Variants in CACNA1C observed in about 807,000 individuals in gnomAD.
The protein encoded by CACNA1C is voltage-dependent L-type calcium channel subunit alpha-1C.
CACNA1C carries 30 observed loss-of-function variants against 229.0 expected under a neutral mutation model. The ratio of observed to expected loss-of-function variants is 0.13; its 90% CI spans 0.10 to 0.18. The LOEUF is 0.18. Among genes scored for constraint, CACNA1C ranks in the 10% least tolerant of loss-of-function variants. The pLI is 1.00. For synonymous variants in CACNA1C, 1,114 were observed against 1,132.5 expected, an observed-to-expected ratio of 0.98 and a Z score of 0.33; for missense variants, 1,658 against 2,845.0, an observed-to-expected ratio of 0.58 and a Z score of 9.49.
intron 1 of CACNA1C, among the ~76,000 whole-genome samples, chr12:2,013,124 G>T (rs145596315): frequency 6.6e-6 from 1 of 152,126 alleles, no homozygotes; most frequent in Non-Finnish European, 1.5e-5. Flanking sequence ...AAAGAAACCC[G>T]TCTCAATCTC....
chr12:2,630,272 C>T lies in CACNA1C; in HGVS notation c.3829-4025C>T, dbSNP rs947636666. ...ACGTGTATGATTTTTTTCCCACCCT[C>T]CCTTCTCCATTACACCCTTAAAACC... On this transcript the variant is annotated intron_variant, in intron 29 of 46. Transcript: ENST00000399655. The surrounding 1 kb of genome is among the most constrained non-coding windows in gnomAD (Gnocchi z 5.4). Among the ~76,000 whole-genome samples the T allele has an allele frequency of 1.3e-5, 2 of 152,196 alleles. No individual in the cohort carries two copies. Among genetic ancestry groups the T allele is most frequent in the Non-Finnish European group, 2.9e-5 (2 of 68,038 alleles).
chr12:2,593,057 G>C (rs936059733), intron 18 of CACNA1C, among the ~76,000 whole-genome samples, 156 bp from the exon 19 acceptor site: 1 of 152,180 alleles, frequency 6.6e-6, no homozygotes, highest in African/African-American at 2.4e-5. Flanking sequence ...GAGATGAGCT[G>C]CAGCAGCACC....
rs759335182 is a variant in CACNA1C at position 2,449,057 on chromosome 12, C to T, written c.559C>T (p.Pro187Ser). The change falls in exon 4 of 47, where the codon CCC becomes TCC. Residue 187 changes from proline (P) to serine (S), a missense_variant. This residue lies in a region of CACNA1C where 89 missense variants were observed against 177.8 expected (regional missense o/e 0.50). Transcript: ENST00000399655. The part of the protein sequence containing the change: ...KVIAYGLLFH[P>S]NAYLRNGWNL... ...AATCGCCTATGGACTCCTCTTTCACCCCAATGCCTACCTCCGCAACGGCTG... is the reference window on the plus strand; with the variant it reads ...AATCGCCTATGGACTCCTCTTTCACTCCAATGCCTACCTCCGCAACGGCTG... The T allele has an allele frequency of 6.3e-7, 1 of 1,595,936 alleles. No individual in the cohort carries two copies. Among genetic ancestry groups the T allele is most frequent in the African/African-American group, 1.3e-5 (1 of 74,870 alleles).
At chr12:2,104,186 T>G (rs1023096485) in intron 1 of CACNA1C, among the ~76,000 whole-genome samples, 5 of 152,226 alleles carry the variant, frequency 3.3e-5, no homozygotes, top group African/African-American at 9.6e-5. Flanking sequence ...CATTTTGATA[T>G]TGATTCTTCC....
intron 30 of CACNA1C, among the ~76,000 whole-genome samples, chr12:2,638,109 T>C (rs905158397): frequency 5.3e-5 from 8 of 152,298 alleles, no homozygotes; most frequent in South Asian, 2.1e-4. Flanking sequence ...CAGATTTGCA[T>C]TGTAGAAGGG....
At chr12:2,024,714 T>C (rs2047014542) in intron 1 of CACNA1C, among the ~76,000 whole-genome samples, 1 of 152,234 alleles carries the variant, frequency 6.6e-6, no homozygotes, top group South Asian at 2.1e-4. Flanking sequence ...GGCCTGTGTC[T>C]TGGGATTTGA....
chr12:2,360,466 C>T (rs987941857), intron 3 of CACNA1C, among the ~76,000 whole-genome samples: 1 of 152,142 alleles, frequency 6.6e-6, no homozygotes. Context: ...TCCCTAATGA[C>T]AAGGGTGCTG....
At chr12:2,688,879 T>C in intron 46 of CACNA1C, 100 bp downstream of exon 46, 1 of 971,308 alleles carries the variant, frequency 1.0e-6, no homozygotes, top group South Asian at 1.7e-5. Flanking sequence ...GCCAAATTCA[T>C]TGCAGTCAAT....
At chr12:2,316,381 G>A (rs759793318) in intron 3 of CACNA1C, among the ~76,000 whole-genome samples, 1 of 152,194 alleles carries the variant, frequency 6.6e-6, no homozygotes, top group Non-Finnish European at 1.5e-5. Context: ...AATGTGCAGG[G>A]CATGTGGTAA....
Position 2,585,252 on chromosome 12 carries a change from T to C in CACNA1C, c.2340-124T>C, listed in dbSNP as rs905821255. On this transcript the variant is annotated intron_variant, in intron 16 of 46. Coordinates refer to ENST00000399655, the MANE Select transcript of CACNA1C (RefSeq NM_000719.7). The surrounding 1 kb of genome is among the most constrained non-coding windows in gnomAD (Gnocchi z 4.1). The stretch of plus-strand genomic sequence containing the variant: ...GAGAAGCGTCCTGGAGAAAGGAAGA[T>C]GGACTCAGACCCAGGGGATCTGTCC... The C allele has an allele frequency of 1.1e-6, 1 of 877,854 alleles. No individual in the cohort carries two copies. The highest frequency in any genetic ancestry group is 1.7e-5 in the African/African-American group (1 of 58,618). 54.4% of individuals were successfully genotyped at this position (877,854 alleles called of 1,614,324 possible).
upstream of CACNA1C, chr12:2,049,598 A>G (rs528327356): frequency 2.0e-5 from 3 of 152,360 alleles, no homozygotes; most frequent in East Asian, 5.8e-4. Context: ...CAAAGAATAA[A>G]CACAGTTCTC....
intron 3 of CACNA1C, among the ~76,000 whole-genome samples, chr12:2,227,002 C>T (rs192315507): frequency 1.3e-5 from 2 of 152,262 alleles, no homozygotes; most frequent in East Asian, 1.9e-4. Context: ...ATATTGCTGC[C>T]GTTACTGCTG....
At chr12:2,379,797 C>T (rs995721235) in intron 3 of CACNA1C, among the ~76,000 whole-genome samples, 1 of 151,690 alleles carries the variant, frequency 6.6e-6, no homozygotes, top group African/African-American at 2.4e-5. Context: ...TTTGGGAGGC[C>T]GAGGCGGGCG....
At chr12:2,151,874 G>A (rs1002121168) in intron 3 of CACNA1C, among the ~76,000 whole-genome samples, 1 of 152,222 alleles carries the variant, frequency 6.6e-6, no homozygotes, top group African/African-American at 2.4e-5. Context: ...CATTTCAATA[G>A]CTTAATGCTT....
chr12:2,136,787 G>C (rs916126820), intron 3 of CACNA1C, among the ~76,000 whole-genome samples: 2 of 151,316 alleles, frequency 1.3e-5, no homozygotes, highest in Non-Finnish European at 3.0e-5. Flanking sequence ...ATTTTCCCAG[G>C]GATCAGTGAT....
chr12:2,338,358 G>A (rs1434749574), intron 3 of CACNA1C, among the ~76,000 whole-genome samples: 3 of 152,178 alleles, frequency 2.0e-5, no homozygotes, highest in Non-Finnish European at 4.4e-5. Flanking sequence ...CAGGGTGGGC[G>A]CCTTGTGCAC....
chr12:2,158,582 G>A (rs557256872), intron 3 of CACNA1C, among the ~76,000 whole-genome samples: 1 of 152,248 alleles, frequency 6.6e-6, no homozygotes, highest in African/African-American at 2.4e-5. Context: ...TCAGGAATCA[G>A]CCTGATTTAC....
intron 3 of CACNA1C, among the ~76,000 whole-genome samples, chr12:2,381,625 A>C (rs1298681297): frequency 1.3e-5 from 2 of 152,158 alleles, no homozygotes; most frequent in Admixed American, 1.3e-4. Context: ...ACACTGTAGC[A>C]ATCCTGGGGC....
intron 3 of CACNA1C, among the ~76,000 whole-genome samples, chr12:2,445,801 T>A (rs1048529937): frequency 1.3e-5 from 2 of 152,134 alleles, no homozygotes; most frequent in African/African-American, 4.8e-5. Flanking sequence ...CAGCTGCTTA[T>A]AGGAGTTGTC....
Sources: allele counts gnomAD v4.1 joint callset (sites outside exome capture counted in the v4.1 genomes callset), GRCh38; gene constraint gnomAD v4.1.1; regional missense constraint gnomAD v4.1.1; non-coding constraint Gnocchi (gnomAD v3.1); transcripts MANE v1.5; gene names NCBI Gene and HGNC (gene_info 2026-07-23, HGNC 2026-07-21).